The following IHO1 variants were observed in gnomAD, a reference collection of about 807,000 sequenced individuals.
IHO1 encodes the protein interactor of HORMAD1 1, also known as interactor of HORMAD1 protein 1.
IHO1 carries 13 observed loss-of-function variants against 31.0 expected under a neutral mutation model. The observed-to-expected ratio is 0.42, with a 90% CI of 0.27 to 0.67. IHO1 has a LOEUF of 0.67. Among genes scored for constraint, IHO1 ranks in the 30% least tolerant of loss-of-function variants. IHO1 has a pLI of 0.24. For synonymous variants in IHO1, 221 were observed against 248.4 expected, an observed-to-expected ratio of 0.89 and a Z score of 1.04; for missense variants, 599 against 687.5, an observed-to-expected ratio of 0.87 and a Z score of 1.44.
chr3:49,195,449 G>C (rs2045991305), upstream of IHO1, among the ~76,000 whole-genome samples: 1 of 149,164 alleles, frequency 6.7e-6, no homozygotes, highest in African/African-American at 2.5e-5. Flanking sequence ...CAGTCGTGGT[G>C]GCTCACACCA....
intron 2 of IHO1, among the ~76,000 whole-genome samples, chr3:49,229,001 T>G (rs1314839325): frequency 6.6e-6 from 1 of 152,202 alleles, no homozygotes; most frequent in Non-Finnish European, 1.5e-5. Flanking sequence ...TGCTGATTGG[T>G]GCATTTACAA....
intron 1 of IHO1, among the ~76,000 whole-genome samples, chr3:49,202,655 C>T (rs968563419): frequency 2.6e-5 from 4 of 151,412 alleles, no homozygotes; most frequent in Non-Finnish European, 5.9e-5. Flanking sequence ...GGATTACAGG[C>T]GTGAACCACC....
intron 2 of IHO1, among the ~76,000 whole-genome samples, chr3:49,230,837 C>T (rs146867282): frequency 2.3e-3 from 347 of 152,274 alleles, no homozygotes; most frequent in Non-Finnish European, 3.5e-3. Context: ...TAATTGGATA[C>T]AACCTGTTCT....
intron 6 of IHO1, among the ~76,000 whole-genome samples, chr3:49,250,191 G>T (rs560172674): frequency 6.6e-6 from 1 of 152,164 alleles, no homozygotes; most frequent in Non-Finnish European, 1.5e-5. Flanking sequence ...TCCAGAAACC[G>T]ATGATAATGT....
Position 49,256,145 on chromosome 3 carries a change from G to A in IHO1, c.648G>A (p.Glu216=). 6.2e-7 allele frequency: 1 copy of A among 1,609,210 alleles called. No individual in the cohort carries two copies. Among genetic ancestry groups the A allele is most frequent in the East Asian group, 2.2e-5 (1 of 44,860 alleles). The part of the protein sequence containing the change: ...MKKRFEARQG[E]FIEMKSNLKH... ...GCCTCTCTCCCCAGAGACAAGGAGA[G>A]TTTATAGAAATGAAGTCCAACCTGA... Residue 216 remains glutamate, a synonymous_variant, in exon 8 of 8, where the codon GAG becomes GAA. Coordinates refer to ENST00000452691, the MANE Select transcript of IHO1 (RefSeq NM_001135197.2). The surrounding 1 kb of genome is among the most constrained non-coding windows in gnomAD (Gnocchi z 4.6).
At position 49,207,109 on chromosome 3, in the gene IHO1, G is replaced by C. The variant is rs144803957; in HGVS notation, c.-15-4657G>C. On this transcript the variant is annotated intron_variant, in intron 1 of 7. Transcript: ENST00000452691. ...GTGTGGAATACAGGTGGACAGATGA[G>C]AGTGGGTAGGAAAAGCCAAGCTCAT... Among the ~76,000 whole-genome samples the C allele has an allele frequency of 4.0e-5, 6 of 151,032 alleles. No homozygotes were observed. In the East Asian group the frequency reaches 7.8e-4, roughly 20 times the overall value.
upstream of IHO1, among the ~76,000 whole-genome samples, chr3:49,197,823 G>A (rs1156962955): frequency 1.3e-5 from 2 of 151,404 alleles, no homozygotes; most frequent in African/African-American, 4.9e-5. Context: ...GTGGTGAGCC[G>A]AGATTGTGCC....
rs762259011 is a variant in IHO1, at chr3:49,236,824, G to A, written c.231+102G>A. The A allele has an allele frequency of 1.0e-4, 114 of 1,125,928 alleles. 1 individual carries two copies. The Middle Eastern group carries it at 1.0e-3, about 10-fold the overall frequency. The allele number at this position is 1,125,928 out of a possible 1,614,324, so 69.7% of individuals were successfully genotyped here. A position where few individuals can be genotyped will look rare whatever the true frequency, so the allele number is the denominator to read the frequency against. On this transcript the variant is annotated intron_variant, in intron 3 of 7. Transcript: ENST00000452691. Reference sequence around the variant, plus strand: ...TGGCCAGGTGCAATGGCTGACACCTGTAATCCCTGCACTTGGGGAGGCTGA... The same window carrying A: ...TGGCCAGGTGCAATGGCTGACACCTATAATCCCTGCACTTGGGGAGGCTGA...
At chr3:49,208,027 C>T (rs1231447016) in intron 1 of IHO1, among the ~76,000 whole-genome samples, 1 of 152,182 alleles carries the variant, frequency 6.6e-6, no homozygotes, top group African/African-American at 2.4e-5. Context: ...CCGCCTCGGC[C>T]TCCCAAACTG....
At chr3:49,231,822 G>A (rs977026932) in intron 2 of IHO1, among the ~76,000 whole-genome samples, 11 of 152,150 alleles carry the variant, frequency 7.2e-5, no homozygotes, top group Admixed American at 1.3e-4. Flanking sequence ...GGTCTCAAAC[G>A]CAGATACAGC....
At chr3:49,231,515 T>C (rs537305795) in intron 2 of IHO1, among the ~76,000 whole-genome samples, 1 of 152,218 alleles carries the variant, frequency 6.6e-6, no homozygotes, top group Non-Finnish European at 1.5e-5. Context: ...AATTGAGGTA[T>C]TGACTGTTTT....
At chr3:49,230,418 G>T (rs549382171) in intron 2 of IHO1, among the ~76,000 whole-genome samples, 1 of 152,142 alleles carries the variant, frequency 6.6e-6, no homozygotes, top group Non-Finnish European at 1.5e-5. Flanking sequence ...GACTGTGAAT[G>T]GTTTGCATTT....
At chr3:49,245,017 A>C in intron 6 of IHO1, 8 of 577,090 alleles carry the variant, frequency 1.4e-5, no homozygotes, top group Middle Eastern at 4.6e-4. Context: ...TAGGTTTCTC[A>C]TCTCACTGCC....
At chr3:49,224,874 A>T (rs7652746) in intron 2 of IHO1, among the ~76,000 whole-genome samples, 3 of 151,978 alleles carry the variant, frequency 2.0e-5, no homozygotes, top group South Asian at 4.2e-4. Flanking sequence ...TTGAAGGGCC[A>T]TTCCCTCAAG....
chr3:49,194,129 G>T (rs1007874341), upstream of IHO1, among the ~76,000 whole-genome samples: 5 of 148,626 alleles, frequency 3.4e-5, no homozygotes, highest in African/African-American at 1.2e-4. Context: ...TTAGCCAGGT[G>T]CGGTGGCAGG....
At chr3:49,192,757 G>GTATTT in the IHO1 span, among the ~76,000 whole-genome samples, 1 of 152,126 alleles carries the variant, frequency 6.6e-6, no homozygotes, top group Admixed American at 6.6e-5. Context: ...TCAGCTGGGT[G>GTATTT]TGGTGGCATA....
At chr3:49,206,524 C>T (rs930210712) in intron 1 of IHO1, among the ~76,000 whole-genome samples, 1 of 152,190 alleles carries the variant, frequency 6.6e-6, no homozygotes, top group African/African-American at 2.4e-5. Flanking sequence ...CCACTGCACC[C>T]GGCCCAGAGG....
At chr3:49,244,319 T>G (rs2046668573) in intron 4 of IHO1, 85 bp from the exon 5 acceptor site, 1 of 841,652 alleles carries the variant, frequency 1.2e-6, no homozygotes, top group Non-Finnish European at 2.0e-6. Flanking sequence ...TAGGTAGAGA[T>G]CTGCCATATT....
At chr3:49,247,325 G>C (rs1322301141) in intron 6 of IHO1, among the ~76,000 whole-genome samples, 1 of 151,798 alleles carries the variant, frequency 6.6e-6, no homozygotes, top group Non-Finnish European at 1.5e-5. Flanking sequence ...TTCCTCCCGG[G>C]TTCAAGCCAG....
Sources: allele counts gnomAD v4.1 joint callset (sites outside exome capture counted in the v4.1 genomes callset), GRCh38; gene constraint gnomAD v4.1.1; non-coding constraint Gnocchi (gnomAD v3.1); transcripts MANE v1.5; gene names NCBI Gene and HGNC (gene_info 2026-07-23, HGNC 2026-07-21).